Variants in ATP6V1E1 observed in about 807,000 individuals in gnomAD.
ATP6V1E1 encodes the protein ATPase H+ transporting V1 subunit E1.
ATP6V1E1 carries 21 observed loss-of-function variants against 35.2 expected under a neutral mutation model. The ratio of observed to expected loss-of-function variants is 0.60; its 90% CI spans 0.42 to 0.86. The LOEUF (loss-of-function observed/expected upper bound fraction) is 0.86, where lower values mean the gene tolerates loss of function less well. Ranked by LOEUF, ATP6V1E1 falls within the 40% of genes least tolerant of loss-of-function variation. The probability of loss-of-function intolerance (pLI) is 0.00; values close to 1 mark genes in which losing one functional copy is unlikely to be tolerated. For missense variants in ATP6V1E1, 183 were observed against 272.6 expected (o/e 0.67, Z 2.32); for synonymous variants, 83 against 87.8 (o/e 0.95, Z 0.30).
At chr22:17,595,984 T>C (rs2057729993) in intron 7 of ATP6V1E1, among the ~76,000 whole-genome samples, 2 of 151,694 alleles carry the variant, frequency 1.3e-5, no homozygotes, top group South Asian at 4.2e-4. Context: ...CAAAAAAAAT[T>C]AGCGAGGCAT....
chr22:17,622,456 T>C (rs2057882401), intron 1 of ATP6V1E1, among the ~76,000 whole-genome samples: 2 of 152,218 alleles, frequency 1.3e-5, no homozygotes, highest in South Asian at 4.1e-4. Flanking sequence ...TCATAAATCT[T>C]AAGTATACAT....
chr22:17,618,661 G>A (rs1204314393), intron 2 of ATP6V1E1, among the ~76,000 whole-genome samples: 11 of 132,948 alleles, frequency 8.3e-5, no homozygotes, highest in African/African-American at 2.2e-4. Context: ...CAGCCTGGGC[G>A]ACAGAGCGAG....
chr22:17,607,758 TG>T (rs1449915735), intron 4 of ATP6V1E1, among the ~76,000 whole-genome samples: 3 of 152,206 alleles, frequency 2.0e-5, no homozygotes, highest in African/African-American at 7.2e-5. Flanking sequence ...CCTGAGCTGC[TG>T]GTTTAAATGC....
chr22:17,623,275 C>G (rs2057887231), intron 1 of ATP6V1E1, among the ~76,000 whole-genome samples: 1 of 152,146 alleles, frequency 6.6e-6, no homozygotes, highest in African/African-American at 2.4e-5. Context: ...AAATCACTGA[C>G]CTTGCTTAAA....
In ATP6V1E1 at chr22:17,628,718, C is replaced by G; in HGVS notation, c.-83G>C. 6.3e-7 allele frequency: 1 copy of G among 1,579,750 alleles called. No individual in the cohort carries two copies. The highest frequency in any genetic ancestry group is 8.7e-7 in the Non-Finnish European group (1 of 1,149,472). On this transcript the variant is annotated 5_prime_UTR_variant, in exon 1 of 9. Coordinates refer to ENST00000253413, the MANE Select transcript of ATP6V1E1 (RefSeq NM_001696.4). ...GGTGAGAGAAATCGGCAAAGGGAAC[C>G]CCTGCGCAGATCTCGGGTTCCTTTA...
intron 2 of ATP6V1E1, among the ~76,000 whole-genome samples, chr22:17,617,577 A>G (rs2057853103): frequency 6.6e-6 from 1 of 151,982 alleles, no homozygotes; most frequent in Non-Finnish European, 1.5e-5. Flanking sequence ...TACAGGTGTG[A>G]GCCACCGCCC....
chr22:17,617,208 T>C (rs969589674), intron 2 of ATP6V1E1, among the ~76,000 whole-genome samples: 13 of 152,330 alleles, frequency 8.5e-5, no homozygotes, highest in South Asian at 4.1e-4. Flanking sequence ...GTTTTATTTC[T>C]AGAGTACCAG....
At chr22:17,616,954 A>G (rs2057849052) in intron 2 of ATP6V1E1, among the ~76,000 whole-genome samples, 1 of 108,898 alleles carries the variant, frequency 9.2e-6, no homozygotes, top group Non-Finnish European at 1.9e-5. Context: ...AGGCTGAGGC[A>G]GGAGAATGGC....
chr22:17,592,682 A>C lies in ATP6V1E1; in HGVS notation c.673T>G (p.Leu225Val), dbSNP rs764851001. 6.2e-7 allele frequency: 1 copy of C among 1,614,188 alleles called. No individual in the cohort carries two copies. The highest frequency in any genetic ancestry group is 2.2e-5 in the East Asian group (1 of 44,888). ...LFGANANRKF[L>V]D ...CTCCACCTCCTGAAGGCTTAGTCCA[A>C]AAACTTCCTGTTGGCATTTGCACCA... Residue 225 changes from leucine (L) to valine (V), a missense_variant, in exon 9 of 9, where the codon TTG (leucine) becomes GTG (valine). Leu to Val is a conservative substitution (Grantham distance 32, BLOSUM62 1). Coordinates refer to ENST00000253413, the MANE Select transcript of ATP6V1E1 (RefSeq NM_001696.4).
Position 17,592,487 on chromosome 22 carries a change from T to C in ATP6V1E1, c.*187A>G, listed in dbSNP as rs186982215. On this transcript the variant is annotated 3_prime_UTR_variant, in exon 9 of 9. Coordinates refer to ENST00000253413, the MANE Select transcript of ATP6V1E1 (RefSeq NM_001696.4). Reference sequence around the variant, plus strand: ...AACTGGAGGTGGGTCCTGATCATATTACATGAAGCTTTCCACCATTGTGAA... The same window carrying C: ...AACTGGAGGTGGGTCCTGATCATATCACATGAAGCTTTCCACCATTGTGAA... 1.8e-3 allele frequency: 1,165 copies of C among 639,852 alleles called. 9 individuals carry two copies. The highest frequency in any genetic ancestry group is 3.7e-3 in the Admixed American group (132 of 36,146). 39.6% of individuals were successfully genotyped at this position (639,852 alleles called of 1,614,324 possible). A position where few individuals can be genotyped will look rare whatever the true frequency, so the allele number is the denominator to read the frequency against.
At chr22:17,594,433 A>G in intron 8 of ATP6V1E1, 96 bp downstream of exon 8, 3 of 992,202 alleles carry the variant, frequency 3.0e-6, no homozygotes, top group Non-Finnish European at 4.2e-6. Context: ...CTGGAAAGAC[A>G]GCAACAAATC....
At chr22:17,626,974 C>T (rs1160396008) in intron 1 of ATP6V1E1, among the ~76,000 whole-genome samples, 2 of 151,820 alleles carry the variant, frequency 1.3e-5, no homozygotes, top group East Asian at 1.9e-4. Flanking sequence ...CCACACCTGG[C>T]GTGTATTTGT....
In ATP6V1E1 at chr22:17,628,723, CG is replaced by C; in HGVS notation, c.-89del. 1 of 1,564,334 alleles carries C rather than the reference CG, an allele frequency of 6.4e-7. No individual in the cohort carries two copies. Among genetic ancestry groups the C allele is most frequent in the Non-Finnish European group, 8.8e-7 (1 of 1,135,708 alleles). On this transcript the variant is annotated 5_prime_UTR_variant, in exon 1 of 9. Coordinates refer to ENST00000253413, the MANE Select transcript of ATP6V1E1 (RefSeq NM_001696.4). Reference sequence around the variant, plus strand: ...GAGAAATCGGCAAAGGGAACCCCTGCGCAGATCTCGGGTTCCTTTACTTTAT... The same window carrying C: ...GAGAAATCGGCAAAGGGAACCCCTGCCAGATCTCGGGTTCCTTTACTTTAT...
intron 1 of ATP6V1E1, among the ~76,000 whole-genome samples, chr22:17,624,685 G>A (rs1289906746): frequency 1.3e-5 from 2 of 152,160 alleles, no homozygotes; most frequent in East Asian, 3.9e-4. Context: ...TCCGGGTGTG[G>A]TGACATACGC....
chr22:17,628,712 G>T lies in ATP6V1E1; in HGVS notation c.-77C>A. The T allele has an allele frequency of 6.3e-7, 1 of 1,589,642 alleles. No homozygotes were observed. Among genetic ancestry groups the T allele is most frequent in the Non-Finnish European group, 8.6e-7 (1 of 1,158,356 alleles). ...AGGTGAGGTGAGAGAAATCGGCAAA[G>T]GGAACCCCTGCGCAGATCTCGGGTT... On this transcript the variant is annotated 5_prime_UTR_variant, in exon 1 of 9. Transcript: ENST00000253413.
At chr22:17,612,229 TA>T (rs1178782014) in intron 4 of ATP6V1E1, among the ~76,000 whole-genome samples, 3 of 152,254 alleles carry the variant, frequency 2.0e-5, no homozygotes, top group Admixed American at 1.3e-4. Context: ...TCACAATGAG[TA>T]ACAGTGGAAA....
chr22:17,601,244 G>T, intron 4 of ATP6V1E1, 63 bp from the exon 5 acceptor site: 1 of 1,367,806 alleles, frequency 7.3e-7, no homozygotes, highest in Non-Finnish European at 1.0e-6. Flanking sequence ...AGAACCCACT[G>T]TGAGGCTGAT....
chr22:17,609,406 C>T (rs1003791838), intron 4 of ATP6V1E1, among the ~76,000 whole-genome samples: 1 of 151,132 alleles, frequency 6.6e-6, no homozygotes, highest in Non-Finnish European at 1.5e-5. Flanking sequence ...GTGATCCATC[C>T]GCCTCATCCT....
chr22:17,600,123 A>G, intron 5 of ATP6V1E1, 28 bp from the exon 6 acceptor site: 1 of 1,587,876 alleles, frequency 6.3e-7, no homozygotes, highest in African/African-American at 1.3e-5. Context: ...TACAGTCAGT[A>G]GAAAATGCAA....
Sources: allele counts gnomAD v4.1 joint callset (sites outside exome capture counted in the v4.1 genomes callset), GRCh38; gene constraint gnomAD v4.1.1; transcripts MANE v1.5; gene names NCBI Gene and HGNC (gene_info 2026-07-23, HGNC 2026-07-21).